Variants in CDH13 observed in about 807,000 individuals in gnomAD.
The protein encoded by CDH13 is cadherin 13, also known as cadherin-13.
In CDH13, 24 loss-of-function variants were observed where a neutral mutation model predicts 63.8. The observed-to-expected ratio is 0.38, with a 90% CI of 0.27 to 0.53. The LOEUF (loss-of-function observed/expected upper bound fraction) is 0.53, where lower values mean the gene tolerates loss of function less well. CDH13 is among the 20% of genes least tolerant of loss of function. The probability of loss-of-function intolerance (pLI) is 0.85; values close to 1 mark genes in which losing one functional copy is unlikely to be tolerated. For synonymous variants in CDH13, 503 were observed against 355.3 expected (o/e 1.42, Z -4.67); for missense variants, 1,049 against 903.1 (o/e 1.16, Z -2.07).
chr16:83,776,695 C>T (rs1246842528), intron 11 of CDH13, among the ~76,000 whole-genome samples: 1 of 152,194 alleles, frequency 6.6e-6, no homozygotes, highest in Non-Finnish European at 1.5e-5. Context: ...ATTCTCCTTA[C>T]AAAATCCGGT....
intron 6 of CDH13, among the ~76,000 whole-genome samples, chr16:83,450,032 G>A (rs1034172760): frequency 2.0e-5 from 3 of 152,200 alleles, no homozygotes; most frequent in Non-Finnish European, 2.9e-5. Context: ...GGGCCCAGCT[G>A]CTCATCACTG....
At chr16:83,780,308 C>T in intron 12 of CDH13, 107 bp downstream of exon 12, 1 of 719,252 alleles carries the variant, frequency 1.4e-6, no homozygotes, top group South Asian at 2.0e-5. Context: ...TCATTTGGTT[C>T]ATTTTAAGTT....
intron 4 of CDH13, among the ~76,000 whole-genome samples, chr16:83,132,946 C>T (rs2036123894): frequency 6.6e-6 from 1 of 152,136 alleles, no homozygotes; most frequent in Non-Finnish European, 1.5e-5. Context: ...GTCAGTTCTT[C>T]CTGGGATACA....
At chr16:83,417,087 C>A (rs1010850690) in intron 6 of CDH13, among the ~76,000 whole-genome samples, 1 of 152,116 alleles carries the variant, frequency 6.6e-6, no homozygotes, top group Non-Finnish European at 1.5e-5. Context: ...TATGAGATAG[C>A]CACTGTTATT....
intron 4 of CDH13, among the ~76,000 whole-genome samples, chr16:83,169,292 T>C (rs1286921593): frequency 6.6e-6 from 1 of 151,936 alleles, no homozygotes; most frequent in Non-Finnish European, 1.5e-5. Flanking sequence ...TTCTCCTGTC[T>C]CACCCTCCTG....
At chr16:82,868,861 G>T (rs1259854231) in intron 2 of CDH13, among the ~76,000 whole-genome samples, 1 of 152,178 alleles carries the variant, frequency 6.6e-6, no homozygotes, top group Non-Finnish European at 1.5e-5. Context: ...AGCTGCCTGG[G>T]TTCAAATCTA....
At chr16:83,773,837 T>A (rs1159841802) in intron 11 of CDH13, among the ~76,000 whole-genome samples, 1 of 152,130 alleles carries the variant, frequency 6.6e-6, no homozygotes, top group East Asian at 1.9e-4. Flanking sequence ...CCAACACTGT[T>A]CCCCAGTCAT....
At chr16:83,623,864 C>G (rs1371426191) in intron 8 of CDH13, among the ~76,000 whole-genome samples, 2 of 152,200 alleles carry the variant, frequency 1.3e-5, no homozygotes, top group African/African-American at 4.8e-5. Flanking sequence ...TTAGCGGAAG[C>G]CTAAGACTAG....
At chr16:83,748,291 C>T (rs555232089) in intron 11 of CDH13, 41 bp downstream of exon 11, 2 of 1,538,786 alleles carry the variant, frequency 1.3e-6, no homozygotes, top group Admixed American at 1.9e-5. Flanking sequence ...TACTTTTCTG[C>T]TACAAATATA....
chr16:83,637,140 C>T (rs1911335307), intron 8 of CDH13, among the ~76,000 whole-genome samples: 1 of 152,120 alleles, frequency 6.6e-6, no homozygotes, highest in Non-Finnish European at 1.5e-5. Flanking sequence ...AGTTTGAACT[C>T]AACAGCTTTT....
intron 10 of CDH13, among the ~76,000 whole-genome samples, chr16:83,728,689 T>C (rs1910710265): frequency 6.6e-6 from 1 of 152,182 alleles, no homozygotes; most frequent in African/African-American, 2.4e-5. Context: ...GCCGTTTTTA[T>C]TGTATATATG....
intron 6 of CDH13, among the ~76,000 whole-genome samples, chr16:83,394,895 C>T (rs2091856204): frequency 6.6e-6 from 1 of 152,110 alleles, no homozygotes; most frequent in African/African-American, 2.4e-5. Flanking sequence ...TGCCTGTAAT[C>T]CCAACACTCT....
At chr16:83,449,872 T>G (rs764160354) in intron 6 of CDH13, among the ~76,000 whole-genome samples, 14 of 152,148 alleles carry the variant, frequency 9.2e-5, no homozygotes, top group African/African-American at 3.4e-4. Context: ...AGACCACAGA[T>G]TTGTGCAGAG....
chr16:83,559,150 C>T (rs1428693729), intron 7 of CDH13, among the ~76,000 whole-genome samples: 1 of 152,202 alleles, frequency 6.6e-6, no homozygotes, highest in African/African-American at 2.4e-5. Flanking sequence ...AATGCAAAGA[C>T]TGTATTCTGA....
intron 2 of CDH13, among the ~76,000 whole-genome samples, chr16:82,951,405 G>T (rs968380708): frequency 6.6e-6 from 1 of 152,188 alleles, no homozygotes; most frequent in Non-Finnish European, 1.5e-5. Flanking sequence ...AATGGGTCCT[G>T]ATATTCAGCT....
intron 7 of CDH13, among the ~76,000 whole-genome samples, chr16:83,527,408 C>A (rs1204541331): frequency 6.6e-6 from 1 of 151,586 alleles, no homozygotes. Context: ...GAGATCTGGC[C>A]ACTGCACTCC....
At chr16:82,825,757 G>A (rs1232003382) in intron 1 of CDH13, 1 of 152,040 alleles carries the variant, frequency 6.6e-6, no homozygotes, top group South Asian at 2.1e-4. Context: ...ATGTTGGCCA[G>A]GATGGTCTCA....
intron 2 of CDH13, among the ~76,000 whole-genome samples, chr16:82,970,244 C>G (rs901371282): frequency 6.6e-6 from 1 of 152,132 alleles, no homozygotes; most frequent in African/African-American, 2.4e-5. Flanking sequence ...CGTGATCCTG[C>G]AAAAGACAGG....
chr16:83,554,007 CCTGTGTCTCTGT>C (rs2075558330), intron 7 of CDH13, among the ~76,000 whole-genome samples: 1 of 152,032 alleles, frequency 6.6e-6, no homozygotes, highest in Non-Finnish European at 1.5e-5. Context: ...GATATAATTG[CCTGTGTCTCTGT>C]CTGTTTTCTT....
Sources: gnomAD v4.1 joint callset for allele counts (sites outside exome capture counted in the v4.1 genomes callset) on GRCh38, gnomAD v4.1.1 for gene constraint, MANE v1.5 for transcripts, NCBI Gene and HGNC (gene_info 2026-07-23, HGNC 2026-07-21) for gene names.